The following PDE3B variants were observed in gnomAD, a reference collection of about 807,000 sequenced individuals.
PDE3B encodes the protein phosphodiesterase 3B.
In PDE3B, 66 loss-of-function variants were observed where a neutral mutation model predicts 116.8. The observed-to-expected ratio is 0.56, with a 90% CI of 0.46 to 0.69. PDE3B has a LOEUF of 0.69. Among genes scored for constraint, PDE3B ranks in the 30% least tolerant of loss-of-function variants. PDE3B has a pLI of 0.00. For synonymous variants in PDE3B, 595 were observed against 533.6 expected, an observed-to-expected ratio of 1.12 and a Z score of -1.59; for missense variants, 1,384 against 1,368.1, an observed-to-expected ratio of 1.01 and a Z score of -0.18.
chr11:14,828,960 C>T (rs1859789671), intron 7 of PDE3B, among the ~76,000 whole-genome samples: 1 of 152,146 alleles, frequency 6.6e-6, no homozygotes, highest in Admixed American at 6.6e-5. Context: ...TACATATACA[C>T]CATGGAATAC....
At chr11:14,676,588 G>A (rs1043136269) in intron 1 of PDE3B, among the ~76,000 whole-genome samples, 2 of 152,104 alleles carry the variant, frequency 1.3e-5, no homozygotes, top group Admixed American at 6.5e-5. Context: ...GGACATTACT[G>A]TACACTATTA....
intron 1 of PDE3B, among the ~76,000 whole-genome samples, chr11:14,664,863 C>T (rs965370567): frequency 1.2e-4 from 19 of 152,202 alleles, no homozygotes; most frequent in South Asian, 2.1e-4. Flanking sequence ...TACCATTCCT[C>T]CTGAAACTAT....
At chr11:14,792,171 G>T (rs1038293976) in intron 4 of PDE3B, among the ~76,000 whole-genome samples, 4 of 152,080 alleles carry the variant, frequency 2.6e-5, no homozygotes, top group African/African-American at 7.2e-5. Flanking sequence ...CAGAGCTGCA[G>T]CCCTTACTTG....
At chr11:14,804,158 A>G (rs3740823) in intron 5 of PDE3B, 108 bp downstream of exon 5, 405,930 of 645,830 alleles carry the variant, frequency 0.63, 128,608 homozygotes, top group Middle Eastern at 0.7. Context: ...AATTTCATGT[A>G]TTATAAGTTA....
At chr11:14,736,900 C>T (rs904741968) in intron 1 of PDE3B, among the ~76,000 whole-genome samples, 4 of 151,968 alleles carry the variant, frequency 2.6e-5, no homozygotes, top group African/African-American at 7.3e-5. Context: ...TCTGAACACC[C>T]AAGAGAGGTA....
chr11:14,891,331 G>A, the PDE3B span: 2 of 985,314 alleles, frequency 2.0e-6, no homozygotes, highest in South Asian at 4.7e-5. Flanking sequence ...TATCTGCTAA[G>A]GTGCCGTTCC....
At chr11:14,692,210 G>T (rs981449772) in intron 1 of PDE3B, among the ~76,000 whole-genome samples, 1 of 152,068 alleles carries the variant, frequency 6.6e-6, no homozygotes, top group Non-Finnish European at 1.5e-5. Flanking sequence ...GGAATTTGAG[G>T]CTGCAGTAAG....
rs868919057 is a variant in PDE3B, at chr11:14,869,160, C to T, written c.3140-301C>T. On this transcript the variant is annotated intron_variant, in intron 15 of 15. Transcript: ENST00000282096. ...CACGCTTCTTCCCTCTCCACCATAC[C>T]CAGCCAGTTTTCCCTAAACCTCTTC... Among the ~76,000 whole-genome samples the T allele has an allele frequency of 2.6e-5, 4 of 152,158 alleles. No individual in the cohort carries two copies. The Middle Eastern group carries it at 0.01, about 388-fold the overall frequency.
chr11:14,677,674 G>A (rs998079781), intron 1 of PDE3B, among the ~76,000 whole-genome samples: 5 of 152,186 alleles, frequency 3.3e-5, no homozygotes, highest in African/African-American at 4.8e-5. Context: ...GTTCCCTTGT[G>A]CTTTCTATCC....
chr11:14,742,353 C>T (rs1856798252), intron 1 of PDE3B, among the ~76,000 whole-genome samples: 1 of 152,130 alleles, frequency 6.6e-6, no homozygotes, highest in Non-Finnish European at 1.5e-5. Flanking sequence ...TCTCTGATAT[C>T]CTTTCTTCCA....
chr11:14,850,625 A>C (rs1847725833), intron 12 of PDE3B, among the ~76,000 whole-genome samples: 1 of 152,084 alleles, frequency 6.6e-6, no homozygotes, highest in Non-Finnish European at 1.5e-5. Context: ...TTAATACCAG[A>C]GCTAAAATCT....
At chr11:14,766,306 C>T (rs1439374728) in intron 1 of PDE3B, among the ~76,000 whole-genome samples, 3 of 151,512 alleles carry the variant, frequency 2.0e-5, no homozygotes, top group African/African-American at 7.3e-5. Context: ...TTTATGAGGA[C>T]AGTCAGCAGG....
intron 1 of PDE3B, among the ~76,000 whole-genome samples, chr11:14,759,922 A>T (rs1376843956): frequency 6.6e-6 from 1 of 152,192 alleles, no homozygotes; most frequent in African/African-American, 2.4e-5. Context: ...AAGTTAAATA[A>T]TGCATTGCTA....
At chr11:14,792,593 T>C (rs1007970883) in intron 4 of PDE3B, among the ~76,000 whole-genome samples, 1 of 152,130 alleles carries the variant, frequency 6.6e-6, no homozygotes, top group African/African-American at 2.4e-5. Flanking sequence ...CCTGTTCTTA[T>C]TGTTAAGAGT....
chr11:14,885,292 T>A, the PDE3B span, among the ~76,000 whole-genome samples: 2 of 152,194 alleles, frequency 1.3e-5, no homozygotes, highest in African/African-American at 4.8e-5. Context: ...TCCCCAACAC[T>A]GATCAATACT....
intron 13 of PDE3B, among the ~76,000 whole-genome samples, chr11:14,859,865 C>T (rs534791027): frequency 1.3e-5 from 2 of 152,296 alleles, no homozygotes; most frequent in South Asian, 2.1e-4. Context: ...GACGGTGGTA[C>T]TCATGGGACT....
At chr11:14,854,856 C>A (rs1323836117) in intron 12 of PDE3B, among the ~76,000 whole-genome samples, 1 of 152,108 alleles carries the variant, frequency 6.6e-6, no homozygotes, top group African/African-American at 2.4e-5. Flanking sequence ...CAAGGATCAT[C>A]AGCCATGGCA....
At chr11:14,832,580 G>T in intron 9 of PDE3B, 142 bp from the exon 10 acceptor site, 2 of 400,010 alleles carry the variant, frequency 5.0e-6, no homozygotes, top group Non-Finnish European at 4.5e-6. Flanking sequence ...AGAATTAATT[G>T]TAGGCAAGTT....
chr11:14,674,106 G>C, intron 1 of PDE3B: 1 of 1,519,722 alleles, frequency 6.6e-7, no homozygotes, highest in Non-Finnish European at 9.1e-7. Context: ...CTCTGTTCAT[G>C]AATGTTTCCT....
Sources: gnomAD v4.1 joint callset for allele counts (sites outside exome capture counted in the v4.1 genomes callset) on GRCh38, gnomAD v4.1.1 for gene constraint, MANE v1.5 for transcripts, NCBI Gene and HGNC (gene_info 2026-07-23, HGNC 2026-07-21) for gene names.